The following TM9SF3 variants were observed in gnomAD, a reference collection of about 807,000 sequenced individuals.
The protein encoded by TM9SF3 is transmembrane 9 superfamily member 3.
A neutral mutation model predicts 78.6 loss-of-function variants in TM9SF3; 14 were observed. That is an observed-to-expected ratio of 0.18 (90% CI 0.12 to 0.28). The LOEUF is 0.28. Among genes scored for constraint, TM9SF3 ranks in the 10% least tolerant of loss-of-function variants. TM9SF3 has a pLI of 1.00. For synonymous variants in TM9SF3, 231 were observed against 241.7 expected, an observed-to-expected ratio of 0.96 and a Z score of 0.41; for missense variants, 496 against 721.9, an observed-to-expected ratio of 0.69 and a Z score of 3.59.
At position 96,586,893 on chromosome 10, in the gene TM9SF3, C is replaced by T. The variant is rs1343722285; in HGVS notation, c.-58G>A. On this transcript the variant is annotated 5_prime_UTR_variant, in exon 1 of 15. Coordinates refer to ENST00000371142, the MANE Select transcript of TM9SF3 (RefSeq NM_020123.4). ...CCGACTCCTCCTCCCGCCGCCGCCT[C>T]CTCCGCCGCCGCCGCCTCCGCCGCG... 3.5e-6 allele frequency: 4 copies of T among 1,155,610 alleles called. No homozygotes were observed. Among genetic ancestry groups the T allele is most frequent in the South Asian group, 8.4e-5 (2 of 23,868 alleles). The allele number at this position is 1,155,610 out of a possible 1,614,324, so 71.6% of individuals were successfully genotyped here.
intron 8 of TM9SF3, among the ~76,000 whole-genome samples, chr10:96,545,832 T>C (rs1564932062): frequency 6.6e-6 from 1 of 152,186 alleles, no homozygotes; most frequent in Admixed American, 6.6e-5. Context: ...GAGGTTGCAG[T>C]AAGCTGAGAT....
chr10:96,539,031 A>T (rs1479816113), intron 9 of TM9SF3, among the ~76,000 whole-genome samples: 3 of 152,264 alleles, frequency 2.0e-5, no homozygotes, highest in Non-Finnish European at 4.4e-5. Context: ...AAATGAAAAC[A>T]TAAGTCCATA....
At chr10:96,532,362 A>C (rs1323539207) in intron 10 of TM9SF3, among the ~76,000 whole-genome samples, 1 of 152,076 alleles carries the variant, frequency 6.6e-6, no homozygotes, top group Non-Finnish European at 1.5e-5. Flanking sequence ...CCATTTCTAT[A>C]AATGTCTACA....
chr10:96,538,640 CAA>C (rs904883004), intron 9 of TM9SF3, among the ~76,000 whole-genome samples: 5 of 151,882 alleles, frequency 3.3e-5, no homozygotes, highest in Non-Finnish European at 7.4e-5. Flanking sequence ...ACATATAAGA[CAA>C]AAGACTTGTA....
intron 2 of TM9SF3, among the ~76,000 whole-genome samples, chr10:96,572,691 G>T (rs562084999): frequency 6.6e-6 from 1 of 151,502 alleles, no homozygotes; most frequent in African/African-American, 2.4e-5. Flanking sequence ...CGTGCCCGGC[G>T]AATTTTTTTT....
rs189425537 is a variant in TM9SF3 at position 96,569,285 on chromosome 10, C to A, written c.299-3859G>T. ...TGAAAGTGATCTTTCCCTTGCCCAC[C>A]CCCTGAAAATGCACATTCACATAAA... On this transcript the variant is annotated intron_variant, in intron 2 of 14. Transcript: ENST00000371142. Among the ~76,000 whole-genome samples the A allele has an allele frequency of 2.0e-3, 299 of 152,326 alleles. 1 individual carries two copies. Among genetic ancestry groups the A allele is most frequent in the Non-Finnish European group, 3.3e-3 (227 of 68,028 alleles).
Position 96,520,204 on chromosome 10 carries a change from T to C in TM9SF3, c.*2059A>G, listed in dbSNP as rs1276503083. 6.6e-6 allele frequency: 1 copy of C among 151,858 alleles called. No homozygotes were observed. The highest frequency in any genetic ancestry group is 2.4e-5 in the African/African-American group (1 of 41,406). The allele number at this position is 151,858 out of a possible 1,614,324, so 9.4% of individuals were successfully genotyped here. ...TATATATAGTTAAAAGGTTACATAA[T>C]ATAGGCAACTAAATATTAACTTTTA... On this transcript the variant is annotated 3_prime_UTR_variant, in exon 15 of 15. Coordinates refer to ENST00000371142, the MANE Select transcript of TM9SF3 (RefSeq NM_020123.4).
chr10:96,527,271 T>C lies in TM9SF3; in HGVS notation c.1644A>G (p.Gln548=), dbSNP rs1052076509. 8 of 1,611,770 alleles carry C rather than the reference T, an allele frequency of 5.0e-6. No individual in the cohort carries two copies. The highest frequency in any genetic ancestry group is 2.2e-5 in the South Asian group (2 of 90,856). The stretch of plus-strand genomic sequence containing the variant: ...CCATATATCCAAAGTAAAATGATGT[T>C]TGAAATAAGCCATACATCCTGAAAT... ...FFKTKMYGLF[Q]TSFYFGYMAV... is the part of the protein sequence containing the mutation. Residue 548 remains glutamine, a synonymous_variant, in exon 14 of 15, where the codon CAA becomes CAG. Coordinates refer to ENST00000371142, the MANE Select transcript of TM9SF3 (RefSeq NM_020123.4).
chr10:96,558,095 G>A (rs1848256773), intron 5 of TM9SF3, among the ~76,000 whole-genome samples: 1 of 152,198 alleles, frequency 6.6e-6, no homozygotes, highest in African/African-American at 2.4e-5. Flanking sequence ...CTAAAAGGCA[G>A]TCTTTCCCCT....
chr10:96,524,227 C>T (rs905451879), intron 14 of TM9SF3, among the ~76,000 whole-genome samples: 6 of 151,684 alleles, frequency 4.0e-5, no homozygotes, highest in African/African-American at 1.5e-4. Context: ...ACACTATTTC[C>T]ACTTATTTTT....
Position 96,520,357 on chromosome 10 carries a change from T to C in TM9SF3, c.*1906A>G, listed in dbSNP as rs921425335. 7 of 151,510 alleles carry C rather than the reference T, an allele frequency of 4.6e-5. No homozygotes were observed. The highest frequency in any genetic ancestry group is 1.0e-4 in the Non-Finnish European group (7 of 67,820). 9.4% of individuals were successfully genotyped at this position (151,510 alleles called of 1,614,324 possible). ...ACCTACAGCTTCTGATCAAATTTGTTGGATCATATCAATCATACTTAAGTG... is the reference window on the plus strand; with the variant it reads ...ACCTACAGCTTCTGATCAAATTTGTCGGATCATATCAATCATACTTAAGTG... On this transcript the variant is annotated 3_prime_UTR_variant, in exon 15 of 15. Coordinates refer to ENST00000371142, the MANE Select transcript of TM9SF3 (RefSeq NM_020123.4).
At chr10:96,558,228 C>T (rs1218710667) in intron 5 of TM9SF3, among the ~76,000 whole-genome samples, 2 of 152,122 alleles carry the variant, frequency 1.3e-5, no homozygotes, top group Non-Finnish European at 2.9e-5. Context: ...TGTGTCCATA[C>T]CCTATTGAAG....
chr10:96,574,596 T>C (rs184498503), intron 2 of TM9SF3, among the ~76,000 whole-genome samples: 112 of 152,280 alleles, frequency 7.4e-4, no homozygotes, highest in Non-Finnish European at 1.1e-3. Flanking sequence ...AAATTATAAA[T>C]CATTCTACTA....
chr10:96,560,607 T>C (rs1251722668), intron 4 of TM9SF3: 4 of 664,014 alleles, frequency 6.0e-6, no homozygotes, highest in African/African-American at 3.6e-5. Flanking sequence ...TGGAAAGTGA[T>C]CTGTCCCTGG....
intron 6 of TM9SF3, among the ~76,000 whole-genome samples, chr10:96,551,899 G>A (rs942400310): frequency 1.3e-5 from 2 of 151,604 alleles, no homozygotes; most frequent in African/African-American, 2.4e-5. Context: ...CAATATGAAT[G>A]TTTTTATTTA....
chr10:96,576,845 C>T lies in TM9SF3; in HGVS notation c.103-16G>A. 6.9e-7 allele frequency: 1 copy of T among 1,438,926 alleles called. No homozygotes were observed. Among genetic ancestry groups the T allele is most frequent in the Non-Finnish European group, 9.1e-7 (1 of 1,093,998 alleles). The allele number at this position is 1,438,926 out of a possible 1,614,324, so 89.1% of individuals were successfully genotyped here. A position where few individuals can be genotyped will look rare whatever the true frequency, so the allele number is the denominator to read the frequency against. On this transcript the variant is annotated splice_polypyrimidine_tract_variant and intron_variant, in intron 1 of 14. Transcript: ENST00000371142. ...TATCTTGATACTGAAACAAGAAAAG[C>T]AAACAAGAATTAAAAAAAAAAAACA... is the stretch of plus-strand genomic sequence containing the variant.
intron 8 of TM9SF3, among the ~76,000 whole-genome samples, chr10:96,546,348 G>T (rs1431645466): frequency 2.0e-5 from 3 of 152,156 alleles, no homozygotes; most frequent in Non-Finnish European, 4.4e-5. Flanking sequence ...AACTCTGTCA[G>T]CTTTCAAGAA....
chr10:96,575,612 C>T (rs1253170092), intron 2 of TM9SF3, among the ~76,000 whole-genome samples: 2 of 151,806 alleles, frequency 1.3e-5, no homozygotes, highest in East Asian at 1.9e-4. Context: ...CCTCAAAGTA[C>T]TAAATAATAA....
At chr10:96,532,950 TATC>T (rs1202214500) in intron 10 of TM9SF3, 98 bp downstream of exon 10, 11 of 1,388,270 alleles carry the variant, frequency 7.9e-6, no homozygotes, top group Admixed American at 2.2e-5. Flanking sequence ...AGATTGTCAT[TATC>T]ATAAATACAT....
Sources: gnomAD v4.1 joint callset for allele counts (sites outside exome capture counted in the v4.1 genomes callset) on GRCh38, gnomAD v4.1.1 for gene constraint, MANE v1.5 for transcripts, NCBI Gene and HGNC (gene_info 2026-07-23, HGNC 2026-07-21) for gene names.